SOX5: variants seen among roughly 807,000 people sequenced by gnomAD.
SOX5 encodes SRY-box transcription factor 5, also known as transcription factor SOX-5.
A neutral mutation model predicts 92.0 loss-of-function variants in SOX5; 9 were observed. That is an observed-to-expected ratio of 0.10 (90% CI 0.06 to 0.17). The LOEUF (loss-of-function observed/expected upper bound fraction) is 0.17. Among genes scored for constraint, SOX5 ranks in the 10% least tolerant of loss-of-function variants. The pLI, the probability that SOX5 is intolerant of heterozygous loss-of-function variation, is 1.00. For synonymous variants in SOX5, 344 were observed against 336.3 expected (o/e 1.02, Z -0.25); for missense variants, 642 against 944.5 (o/e 0.68, Z 4.20).
At chr12:24,534,085 C>G (rs146648432) in intron 1 of SOX5, among the ~76,000 whole-genome samples, 4 of 152,208 alleles carry the variant, frequency 2.6e-5, no homozygotes, top group African/African-American at 9.6e-5. Context: ...CACAAATATA[C>G]TCTCATTCTA....
In SOX5 at chr12:23,769,630, A is replaced by G. The variant is rs1042588868; in HGVS notation, c.482-13906T>C. Reference sequence around the variant, plus strand: ...GTAATATAAAATAAACTAGAAGAATATCTGAGAGATTAAGATGATAAGATA... The same window carrying G: ...GTAATATAAAATAAACTAGAAGAATGTCTGAGAGATTAAGATGATAAGATA... On this transcript the variant is annotated intron_variant, in intron 3 of 14. Coordinates refer to ENST00000451604, the MANE Select transcript of SOX5 (RefSeq NM_006940.6). 2.0e-5 allele frequency among the ~76,000 whole-genome samples: 3 copies of G among 152,206 alleles called. No individual in the cohort carries two copies. The East Asian group carries it at 5.8e-4, about 29-fold the overall frequency.
intron 4 of SOX5, among the ~76,000 whole-genome samples, chr12:24,094,931 C>T (rs1415500889): frequency 1.3e-5 from 2 of 152,122 alleles, no homozygotes; most frequent in East Asian, 1.9e-4. Flanking sequence ...TTGTCCTCCT[C>T]TTCAAAATTT....
rs554472465 is a variant in SOX5 at position 23,635,138 on chromosome 12, C to G, written c.1017+5674G>C. ...GAACTACTTTAAGCCAGACTTAAGA[C>G]CAATGAAGTCTTCCCTGAAAAAAGT... On this transcript the variant is annotated intron_variant, in intron 8 of 14. Coordinates refer to ENST00000451604, the MANE Select transcript of SOX5 (RefSeq NM_006940.6). 3.9e-5 allele frequency among the ~76,000 whole-genome samples: 6 copies of G among 152,190 alleles called. No individual in the cohort carries two copies. The South Asian group carries it at 1.2e-3, about 32-fold the overall frequency.
At chr12:24,301,425 T>C (rs901669403) in intron 2 of SOX5, among the ~76,000 whole-genome samples, 2 of 152,222 alleles carry the variant, frequency 1.3e-5, no homozygotes, top group South Asian at 2.1e-4. Flanking sequence ...ATATACTACA[T>C]ATAATCATGA....
intron 1 of SOX5, among the ~76,000 whole-genome samples, chr12:23,897,650 A>G (rs2097190870): frequency 6.6e-6 from 1 of 152,192 alleles, no homozygotes; most frequent in African/African-American, 2.4e-5. Flanking sequence ...AAACATGAGG[A>G]AAACAGATTG....
At chr12:23,780,299 A>T (rs1372529399) in intron 3 of SOX5, among the ~76,000 whole-genome samples, 4 of 151,904 alleles carry the variant, frequency 2.6e-5, no homozygotes, top group Admixed American at 6.6e-5. Context: ...ATCATTTTTT[A>T]AAAAAAGGAG....
intron 1 of SOX5, among the ~76,000 whole-genome samples, chr12:24,430,971 C>A (rs1372893915): frequency 6.6e-6 from 1 of 152,136 alleles, no homozygotes; most frequent in Non-Finnish European, 1.5e-5. Flanking sequence ...CAACACTTTC[C>A]ATATTGGAAT....
At chr12:23,946,784 A>G (rs1344844930) in intron 1 of SOX5, among the ~76,000 whole-genome samples, 1 of 151,868 alleles carries the variant, frequency 6.6e-6, no homozygotes, top group African/African-American at 2.4e-5. Context: ...TTTGCTTCCC[A>G]CCTTGGAGTT....
chr12:24,452,961 T>C (rs1283508894), intron 1 of SOX5, among the ~76,000 whole-genome samples: 1 of 152,206 alleles, frequency 6.6e-6, no homozygotes, highest in Admixed American at 6.5e-5. Flanking sequence ...ATAGAAAGTC[T>C]TAAAAACTTA....
intron 6 of SOX5, among the ~76,000 whole-genome samples, chr12:23,678,450 G>C (rs1251834156): frequency 6.6e-6 from 1 of 152,036 alleles, no homozygotes. Flanking sequence ...TTCTTGATTA[G>C]AAATAATTTT....
chr12:24,449,114 CCTCTA>C (rs1403130765), intron 1 of SOX5, among the ~76,000 whole-genome samples: 6 of 152,182 alleles, frequency 3.9e-5, no homozygotes, highest in Admixed American at 1.3e-4. Context: ...CTAACTGGAT[CCTCTA>C]CTCTCTTTCC....
At chr12:24,297,034 T>G (rs1947347849) in intron 2 of SOX5, among the ~76,000 whole-genome samples, 1 of 152,138 alleles carries the variant, frequency 6.6e-6, no homozygotes, top group Non-Finnish European at 1.5e-5. Context: ...ATTGAATTAA[T>G]AATTTTTTGT....
In SOX5 at chr12:24,406,936, G is replaced by T. The variant is rs141154806; in HGVS notation, c.-250-38297C>A. Among the ~76,000 whole-genome samples the T allele has an allele frequency of 1.7e-3, 254 of 152,312 alleles. 2 individuals carry two copies. Among genetic ancestry groups the T allele is most frequent in the African/African-American group, 5.7e-3 (239 of 41,574 alleles). ...AGAAACCCCAAATATGTTGGGGGTA[G>T]ACAGGGGTGATGGGCAAAAGAGTTT... is the stretch of plus-strand genomic sequence containing the variant. On this transcript the variant is annotated intron_variant, in intron 1 of 4. Coordinates refer to the SOX5 transcript ENST00000446891.
At chr12:24,471,044 G>A (rs1242699121) in intron 1 of SOX5, among the ~76,000 whole-genome samples, 3 of 152,210 alleles carry the variant, frequency 2.0e-5, no homozygotes, top group African/African-American at 7.2e-5. Context: ...TAATCAGTAA[G>A]TCTCATTGCT....
In SOX5 at chr12:24,361,611, T is replaced by TTG. The variant is rs3031192; in HGVS notation, c.-174+6950_-174+6951dup. Among the ~76,000 whole-genome samples, 991 of 150,368 alleles carry TTG rather than the reference T, an allele frequency of 6.6e-3. 5 individuals carry two copies. Among genetic ancestry groups the TTG allele is most frequent in the South Asian group, 0.03 (145 of 4,758 alleles). ...AACAGTGATGAGGCTTTTTCAGGTT[T>TTG]TGTGTGTGTGTGTGTGTGTGTGCGC... On this transcript the variant is annotated intron_variant, in intron 2 of 4. Coordinates refer to the SOX5 transcript ENST00000446891.
intron 4 of SOX5, among the ~76,000 whole-genome samples, chr12:24,209,243 T>C (rs1173936452): frequency 6.6e-6 from 1 of 152,140 alleles, no homozygotes; most frequent in Non-Finnish European, 1.5e-5. Flanking sequence ...GAGAATTTCC[T>C]CCACTGTCTG....
chr12:23,875,614 G>A (rs2096919407), intron 2 of SOX5, among the ~76,000 whole-genome samples: 1 of 152,098 alleles, frequency 6.6e-6, no homozygotes, highest in African/African-American at 2.4e-5. Flanking sequence ...GAAGAAACCT[G>A]ATAATATAGT....
At chr12:23,606,886 T>C (rs1286200308) in intron 8 of SOX5, among the ~76,000 whole-genome samples, 4 of 152,072 alleles carry the variant, frequency 2.6e-5, no homozygotes, top group African/African-American at 9.7e-5. Flanking sequence ...GTAAAAGAGA[T>C]AGACCCAGTT....
intron 1 of SOX5, among the ~76,000 whole-genome samples, chr12:24,375,736 CA>C (rs34949948): frequency 0.13 from 15,854 of 120,220 alleles, 851 homozygotes; most frequent in Middle Eastern, 0.15. Context: ...AACTCTGTCT[CA>C]AAAAAAAAAA....
Sources: allele counts gnomAD v4.1 joint callset (sites outside exome capture counted in the v4.1 genomes callset), GRCh38; gene constraint gnomAD v4.1.1; transcripts MANE v1.5; gene names NCBI Gene and HGNC (gene_info 2026-07-23, HGNC 2026-07-21).